The following FREM1 variants were observed in gnomAD, a reference collection of about 807,000 sequenced individuals.
FREM1 encodes the protein FRAS1-related extracellular matrix protein 1.
In FREM1, 220 loss-of-function variants were observed where a neutral mutation model predicts 210.1. The observed-to-expected ratio is 1.05, with a 90% CI of 0.94 to 1.17. The LOEUF (loss-of-function observed/expected upper bound fraction) is 1.17. FREM1 is among the 50% of genes most tolerant of loss of function. The pLI is 0.00. For synonymous variants in FREM1, 1,189 were observed against 980.2 expected (o/e 1.21, Z -3.98); for missense variants, 3,454 against 2,675.5 (o/e 1.29, Z -6.42).
chr9:14,882,114 T>TGTGA (rs1426059502), intron 1 of FREM1, among the ~76,000 whole-genome samples: 4 of 151,708 alleles, frequency 2.6e-5, no homozygotes, highest in Non-Finnish European at 5.9e-5. Context: ...TATTATTTTG[T>TGTGA]GTGTGTGTGT....
intron 14 of FREM1, 59 bp downstream of exon 14, chr9:14,819,175 C>A (rs1820825171): frequency 2.4e-6 from 3 of 1,261,936 alleles, no homozygotes; most frequent in East Asian, 2.4e-5. Flanking sequence ...CTCTGCCTCA[C>A]AACTGATCTA....
At chr9:14,794,698 C>T (rs1047207249) in intron 21 of FREM1, among the ~76,000 whole-genome samples, 1 of 152,116 alleles carries the variant, frequency 6.6e-6, no homozygotes, top group African/African-American at 2.4e-5. Flanking sequence ...AAGGGAGCAT[C>T]TTTAATAAAG....
At chr9:14,766,349 T>C (rs1412917110) in intron 27 of FREM1, among the ~76,000 whole-genome samples, 1 of 152,120 alleles carries the variant, frequency 6.6e-6, no homozygotes, top group Admixed American at 6.6e-5. Context: ...AAAAATTGGT[T>C]CCCTGAGCTA....
intron 3 of FREM1, among the ~76,000 whole-genome samples, chr9:14,860,700 TATATACACAC>T (rs1829803950): frequency 4.5e-5 from 5 of 112,044 alleles, no homozygotes; most frequent in Non-Finnish European, 5.0e-5. Flanking sequence ...TATACACACA[TATATACACAC>T]ATATATACAC....
At chr9:14,824,711 C>CTATA (rs139400976) in intron 11 of FREM1, 85 bp downstream of exon 11, 13 of 815,934 alleles carry the variant, frequency 1.6e-5, no homozygotes, top group Non-Finnish European at 2.5e-5. Flanking sequence ...AACCACAGTA[C>CTATA]TATATATATA....
At chr9:14,829,126 G>A (rs972133991) in intron 10 of FREM1, among the ~76,000 whole-genome samples, 1 of 152,114 alleles carries the variant, frequency 6.6e-6, no homozygotes, top group African/African-American at 2.4e-5. Context: ...TTTTTTTGTA[G>A]GTAGGAGGCA....
intron 29 of FREM1, among the ~76,000 whole-genome samples, chr9:14,755,178 T>C (rs550339657): frequency 5.9e-5 from 9 of 152,324 alleles, no homozygotes; most frequent in Non-Finnish European, 1.3e-4. Flanking sequence ...TGTTTCAAGC[T>C]ACCCACTGTT....
At chr9:14,839,682 T>C (rs557663787) in intron 10 of FREM1, among the ~76,000 whole-genome samples, 5 of 152,336 alleles carry the variant, frequency 3.3e-5, no homozygotes, top group African/African-American at 9.6e-5. Flanking sequence ...AAATCTGACA[T>C]CTATACTTGT....
Position 14,797,492 on chromosome 9 carries a change from G to A in FREM1, c.3839+6C>T. Reference sequence around the variant, plus strand: ...ATCTGAAAGGGACTCTTTTCAGGTAGCTTACTTGCTCAGCATTGGTTTTTC... The same window carrying A: ...ATCTGAAAGGGACTCTTTTCAGGTAACTTACTTGCTCAGCATTGGTTTTTC... On this transcript the variant is annotated splice_donor_region_variant and intron_variant, in intron 21 of 36. Transcript: ENST00000380880. The A allele has an allele frequency of 6.2e-7, 1 of 1,601,032 alleles. No homozygotes were observed. Among genetic ancestry groups the A allele is most frequent in the Non-Finnish European group, 8.5e-7 (1 of 1,172,834 alleles).
Position 14,823,250 on chromosome 9 carries a change from G to C in FREM1, c.2247C>G (p.Phe749Leu). ...CATGTTGGTTACTGACAGAAAATGT[G>C]AACTGGACATCTCTGCAATGGGGAC... is the stretch of plus-strand genomic sequence containing the variant. ...DIGPHCRDVQ[F>L]TFSVSNQHGG... Residue 749 changes from phenylalanine to leucine, a missense_variant, in exon 13 of 37, where the codon TTC becomes TTG. Coordinates refer to ENST00000380880, the MANE Select transcript of FREM1 (RefSeq NM_001379081.2). 2.5e-6 allele frequency: 4 copies of C among 1,613,912 alleles called. No homozygotes were observed. The highest frequency in any genetic ancestry group is 3.4e-6 in the Non-Finnish European group (4 of 1,179,804).
At chr9:14,753,999 G>T (rs975015516) in intron 29 of FREM1, among the ~76,000 whole-genome samples, 1 of 152,100 alleles carries the variant, frequency 6.6e-6, no homozygotes, top group Non-Finnish European at 1.5e-5. Flanking sequence ...CTAGACAAAT[G>T]GGTATTTATC....
At chr9:14,781,514 C>T (rs145251604) in intron 24 of FREM1, among the ~76,000 whole-genome samples, 44 of 152,302 alleles carry the variant, frequency 2.9e-4, no homozygotes, top group Admixed American at 1.0e-3. Context: ...AACCTTTTAA[C>T]TACTAAAAAC....
intron 1 of FREM1, among the ~76,000 whole-genome samples, chr9:14,906,542 G>A (rs1817735521): frequency 6.6e-6 from 1 of 152,298 alleles, no homozygotes; most frequent in South Asian, 2.1e-4. Context: ...GATTTGATAG[G>A]AAACGCCTAA....
intron 1 of FREM1, among the ~76,000 whole-genome samples, chr9:14,880,526 C>A (rs984974839): frequency 6.6e-6 from 1 of 150,926 alleles, no homozygotes; most frequent in Non-Finnish European, 1.5e-5. Flanking sequence ...ATCACTTGAA[C>A]CCGGGAGGCA....
chr9:14,824,632 G>A (rs1191423028), intron 11 of FREM1, among the ~76,000 whole-genome samples, 164 bp downstream of exon 11: 1 of 152,156 alleles, frequency 6.6e-6, no homozygotes, highest in African/African-American at 2.4e-5. Context: ...AAGGGAGATA[G>A]GAAGTTGTTT....
intron 1 of FREM1, among the ~76,000 whole-genome samples, chr9:14,909,215 T>C (rs779148929): frequency 1.6e-4 from 25 of 152,150 alleles, no homozygotes; most frequent in Non-Finnish European, 2.6e-4. Context: ...GAAACTAAAA[T>C]TAAATACCTT....
At chr9:14,802,622 T>C (rs116363016) in intron 19 of FREM1, among the ~76,000 whole-genome samples, 8 of 152,204 alleles carry the variant, frequency 5.3e-5, no homozygotes, top group African/African-American at 1.4e-4. Flanking sequence ...CTTGACAATA[T>C]GTTACTTAGC....
chr9:14,800,737 TTACCTACTACCTC>T (rs1407557892), intron 20 of FREM1, among the ~76,000 whole-genome samples: 1 of 152,182 alleles, frequency 6.6e-6, no homozygotes, highest in Non-Finnish European at 1.5e-5. Context: ...GCCTTTTCAA[TTACCTACTACCTC>T]TACCTAGGGC....
At chr9:14,809,457 TC>T (rs1332099162) in intron 16 of FREM1, among the ~76,000 whole-genome samples, 21 of 152,154 alleles carry the variant, frequency 1.4e-4, no homozygotes, top group African/African-American at 4.3e-4. Context: ...TGCCATTATT[TC>T]CCGTTTAAAA....
Sources: gnomAD v4.1 joint callset for allele counts (sites outside exome capture counted in the v4.1 genomes callset) on GRCh38, gnomAD v4.1.1 for gene constraint, MANE v1.5 for transcripts, NCBI Gene and HGNC (gene_info 2026-07-23, HGNC 2026-07-21) for gene names.